Variants in RASAL1 observed in about 807,000 individuals in gnomAD.
The protein encoded by RASAL1 is rasGAP-activating-like protein 1.
In RASAL1, 72 loss-of-function variants were observed where a neutral mutation model predicts 96.6. That is an observed-to-expected ratio of 0.75 (90% confidence interval 0.62 to 0.91). RASAL1 has a LOEUF of 0.91. Among genes scored for constraint, RASAL1 ranks in the 40% least tolerant of loss-of-function variants. The probability of loss-of-function intolerance (pLI) is 0.00; values close to 1 mark genes in which losing one functional copy is unlikely to be tolerated. For missense variants in RASAL1, 1,016 were observed against 1,072.5 expected, an observed-to-expected ratio of 0.95 and a Z score of 0.74; for synonymous variants, 405 against 430.4, an observed-to-expected ratio of 0.94 and a Z score of 0.73.
At chr12:113,120,744 G>C (rs1951265241) in intron 5 of RASAL1, among the ~76,000 whole-genome samples, 1 of 152,130 alleles carries the variant, frequency 6.6e-6, no homozygotes, top group Non-Finnish European at 1.5e-5. Flanking sequence ...GCCACCTGTG[G>C]GTTTTCCTGG....
rs576441075 is a variant in RASAL1 at position 113,132,557 on chromosome 12, G to A, written c.66-1616C>T. On this transcript the variant is annotated intron_variant, in intron 1 of 20. Transcript: ENST00000548055. ...ACCTATTCAAATGGCCCTCTCCCTC[G>A]ATGCCCCAGCACCACTCCCTTGATC... Among the ~76,000 whole-genome samples the A allele has an allele frequency of 9.5e-4, 144 of 152,224 alleles. 1 individual carries two copies. The highest frequency in any genetic ancestry group is 3.2e-3 in the African/African-American group (134 of 41,526).
At chr12:113,109,670 C>T (rs1205846632) in intron 13 of RASAL1, among the ~76,000 whole-genome samples, 1 of 152,232 alleles carries the variant, frequency 6.6e-6, no homozygotes, top group Non-Finnish European at 1.5e-5. Flanking sequence ...AAACAATGCC[C>T]TCCCCGGGGC....
chr12:113,112,653 T>C (rs1319660750), intron 12 of RASAL1, among the ~76,000 whole-genome samples: 2 of 152,054 alleles, frequency 1.3e-5, no homozygotes, highest in African/African-American at 4.8e-5. Context: ...CCTGGTCCCA[T>C]TCAATAACCT....
chr12:113,101,260 AC>A (rs936717191), intron 19 of RASAL1, among the ~76,000 whole-genome samples: 6 of 152,168 alleles, frequency 3.9e-5, no homozygotes, highest in African/African-American at 1.4e-4. Context: ...TACTAAAAAT[AC>A]AAAAACTAGT....
In RASAL1 at chr12:113,113,410, T is replaced by C. The variant is rs147788291; in HGVS notation, c.1182-1132A>G. 2.6e-5 allele frequency among the ~76,000 whole-genome samples: 4 copies of C among 152,292 alleles called. No individual in the cohort carries two copies. The East Asian group carries it at 7.7e-4, about 29-fold the overall frequency. On this transcript the variant is annotated intron_variant, in intron 12 of 20. Coordinates refer to ENST00000548055, the MANE Select transcript of RASAL1 (RefSeq NM_001301202.2). ...AGGACTGCCAACTCCACAGCCTGCC[T>C]GCAACCCTGCCCTGTCCAGGTCCCT...
chr12:113,134,488 G>A (rs565518268), intron 1 of RASAL1, among the ~76,000 whole-genome samples: 1 of 152,318 alleles, frequency 6.6e-6, no homozygotes, highest in African/African-American at 2.4e-5. Flanking sequence ...CAGGCAACCA[G>A]ATGGGGACTC....
At chr12:113,111,503 G>T (rs1950863979) in intron 13 of RASAL1, among the ~76,000 whole-genome samples, 1 of 152,158 alleles carries the variant, frequency 6.6e-6, no homozygotes, top group Non-Finnish European at 1.5e-5. Context: ...TGGTTAGATA[G>T]GGTAATAAAT....
chr12:113,112,326 T>G (rs967190906), intron 12 of RASAL1, 48 bp from the exon 13 acceptor site: 2 of 1,238,148 alleles, frequency 1.6e-6, no homozygotes, highest in Non-Finnish European at 2.0e-6. Context: ...AACATCTGCC[T>G]GCTCCAAACC....
Position 113,135,159 on chromosome 12 carries a change from C to A in RASAL1, c.65+239G>T, listed in dbSNP as rs1202469894. The stretch of plus-strand genomic sequence containing the variant: ...TTAGTACATCCCGGGAACAAAGACA[C>A]CCCCTCCCCTGCCCGGGGGTGAGGC... On this transcript the variant is annotated intron_variant, in intron 1 of 20. Transcript: ENST00000548055. This position sits in a 1 kb window ranked among gnomAD's most constrained non-coding sequence, Gnocchi z 5.7. Among the ~76,000 whole-genome samples the A allele has an allele frequency of 2.0e-5, 3 of 152,146 alleles. No homozygotes were observed. The highest frequency in any genetic ancestry group is 2.9e-5 in the Non-Finnish European group (2 of 68,014).
At chr12:113,131,119 C>T (rs1951693227) in intron 1 of RASAL1, among the ~76,000 whole-genome samples, 178 bp from the exon 2 acceptor site, 1 of 152,142 alleles carries the variant, frequency 6.6e-6, no homozygotes, top group South Asian at 2.1e-4. Context: ...GGAGATGTCA[C>T]AGCTGCCCAG....
At chr12:113,113,318 T>C (rs983990336) in intron 12 of RASAL1, among the ~76,000 whole-genome samples, 2 of 152,244 alleles carry the variant, frequency 1.3e-5, no homozygotes, top group South Asian at 4.1e-4. Flanking sequence ...TTGTTCCCGT[T>C]TAACAGATAA....
chr12:113,124,425 G>A (rs1255698942), intron 4 of RASAL1, among the ~76,000 whole-genome samples: 1 of 152,096 alleles, frequency 6.6e-6, no homozygotes, highest in Non-Finnish European at 1.5e-5. Context: ...ACATGGACAC[G>A]TTCCTTCTTT....
chr12:113,100,218 G>T, intron 20 of RASAL1, 150 bp from the exon 21 acceptor site: 1 of 949,356 alleles, frequency 1.1e-6, no homozygotes, highest in Non-Finnish European at 1.5e-6. Context: ...CCTGTGGCCT[G>T]ATAATGGACT....
At chr12:113,104,657 G>A (rs193208024) in intron 16 of RASAL1, among the ~76,000 whole-genome samples, 255 of 152,040 alleles carry the variant, frequency 1.7e-3, no homozygotes, top group African/African-American at 5.6e-3. Context: ...GTGCACCACC[G>A]CTCCCGGCTA....
In RASAL1 at chr12:113,108,134, T is replaced by C; in HGVS notation, c.1463A>G (p.Asp488Gly). The change falls in exon 14 of 21, where the codon GAC (aspartate) becomes GGC (glycine). Residue 488 changes from aspartate to glycine, a missense_variant. Physicochemically the swap from Asp to Gly is moderately conservative, Grantham distance 94 (BLOSUM62 -1). Coordinates refer to ENST00000548055, the MANE Select transcript of RASAL1 (RefSeq NM_001301202.2). ...GCTAGTCTGGGGGTCCGCGTGTTGG[T>C]CCCGAAGGTCAAACAGCTTTGGGGT... Reference protein sequence around the residue: ...ILTPKLFDLRDQHADPQTSRS... With the variant: ...ILTPKLFDLRGQHADPQTSRS... 1 of 1,613,770 alleles carries C rather than the reference T, an allele frequency of 6.2e-7. No homozygotes were observed. Among genetic ancestry groups the C allele is most frequent in the Non-Finnish European group, 8.5e-7 (1 of 1,179,886 alleles).
rs913303958 is a variant in RASAL1 at position 113,103,748 on chromosome 12, G to GTGTA, written c.2104+194_2104+197dup. The stretch of plus-strand genomic sequence containing the variant: ...CGCCAAGCAGCGTCCTATGCTCTTT[G>GTGTA]TGTAAATCAAGTCATTTAATTATCA... On this transcript the variant is annotated intron_variant, in intron 18 of 20. Transcript: ENST00000548055. 5.4e-6 allele frequency: 4 copies of GTGTA among 737,284 alleles called. No individual in the cohort carries two copies. The African/African-American group carries it at 7.0e-5, about 13-fold the overall frequency. The allele number at this position is 737,284 out of a possible 1,614,324, so 45.7% of individuals were successfully genotyped here.
chr12:113,119,244 G>A lies in RASAL1; in HGVS notation c.526C>T (p.Arg176Cys), dbSNP rs373635740. ...SLETSTIKKT[R>C]FPHWDEVLEL... ...AGCACTTCATCCCAGTGCGGGAAGC[G>A]AGTCTTCTTGATGGTCTGAGGGCGA... The change falls in exon 7 of 21, where the codon CGC becomes TGC. Residue 176 changes from arginine to cysteine, a missense_variant. By Grantham distance (180) the Arg-to-Cys change is radical. Coordinates refer to ENST00000548055, the MANE Select transcript of RASAL1 (RefSeq NM_001301202.2). The A allele has an allele frequency of 1.1e-5, 18 of 1,613,328 alleles. No individual in the cohort carries two copies. Among genetic ancestry groups the A allele is most frequent in the Non-Finnish European group, 1.4e-5 (16 of 1,179,458 alleles).
Position 113,100,669 on chromosome 12 carries a change from A to G in RASAL1, c.2237T>C (p.Leu746Pro), listed in dbSNP as rs754910749. Reference protein sequence around the residue: ...LGRDQLRLKLLEDSNMDTTLE... With the variant: ...LGRDQLRLKLPEDSNMDTTLE... ...AGTTGTATCCATGTTAGAATCCTCC[A>G]GTAATTTCAGCCTGGAAGGTAAGAG... The change falls in exon 20 of 21, where the codon CTG becomes CCG. Residue 746 changes from leucine (L) to proline (P), a missense_variant. Physicochemically the swap from Leu to Pro is moderately conservative, Grantham distance 98. Transcript: ENST00000548055. The G allele has an allele frequency of 1.2e-6, 2 of 1,609,688 alleles. No homozygotes were observed. The highest frequency in any genetic ancestry group is 1.7e-6 in the Non-Finnish European group (2 of 1,176,608).
intron 7 of RASAL1, among the ~76,000 whole-genome samples, chr12:113,117,845 T>C (rs1951145717): frequency 6.6e-6 from 1 of 152,058 alleles, no homozygotes; most frequent in African/African-American, 2.4e-5. Flanking sequence ...TTCCACTTAG[T>C]GTAATGGTTC....
Sources: allele counts gnomAD v4.1 joint callset (sites outside exome capture counted in the v4.1 genomes callset), GRCh38; gene constraint gnomAD v4.1.1; non-coding constraint Gnocchi (gnomAD v3.1); transcripts MANE v1.5; gene names NCBI Gene and HGNC (gene_info 2026-07-23, HGNC 2026-07-21).